Variants in DSCAM observed in about 807,000 individuals in gnomAD.
The protein encoded by DSCAM is DS cell adhesion molecule.
Under a neutral mutation model 217.7 loss-of-function variants are expected in DSCAM, and 47 were observed. The observed-to-expected ratio is 0.22, with a 90% CI of 0.17 to 0.28. The LOEUF is 0.28. DSCAM is among the 10% of genes least tolerant of loss of function. DSCAM has a pLI of 1.00. For missense variants in DSCAM, 2,080 were observed against 2,618.3 expected, an observed-to-expected ratio of 0.79 and a Z score of 4.49; for synonymous variants, 1,056 against 1,015.3, an observed-to-expected ratio of 1.04 and a Z score of -0.76.
intron 32 of DSCAM, among the ~76,000 whole-genome samples, chr21:40,035,731 C>T (rs1417689703): frequency 6.6e-6 from 1 of 150,828 alleles, no homozygotes; most frequent in African/African-American, 2.5e-5. Flanking sequence ...AGCACCACAC[C>T]ACACGTATTC....
chr21:40,111,161 G>A (rs1452706545), intron 20 of DSCAM, among the ~76,000 whole-genome samples: 1 of 152,220 alleles, frequency 6.6e-6, no homozygotes, highest in Admixed American at 6.5e-5. Flanking sequence ...AGGGCAGCCA[G>A]AGAGAAAGGT....
intron 3 of DSCAM, among the ~76,000 whole-genome samples, chr21:40,426,637 G>C (rs2075477518): frequency 6.6e-6 from 1 of 152,198 alleles, no homozygotes; most frequent in Non-Finnish European, 1.5e-5. Context: ...AGAGTACTAT[G>C]ACATGAGAGA....
chr21:40,342,169 A>C (rs1010767857), intron 6 of DSCAM, among the ~76,000 whole-genome samples: 2 of 152,246 alleles, frequency 1.3e-5, no homozygotes. Flanking sequence ...GTTGTGGAAT[A>C]CAACAATTGA....
chr21:40,296,990 C>A (rs1453632536), intron 9 of DSCAM, among the ~76,000 whole-genome samples: 2 of 152,124 alleles, frequency 1.3e-5, no homozygotes, highest in Non-Finnish European at 2.9e-5. Context: ...ACAGGCACCT[C>A]GTAAAGGCAA....
chr21:40,100,157 G>T (rs374008108), intron 20 of DSCAM, among the ~76,000 whole-genome samples: 1 of 152,160 alleles, frequency 6.6e-6, no homozygotes, highest in South Asian at 2.1e-4. Context: ...AGTATTTATT[G>T]TAAACAGAAT....
chr21:40,226,887 C>T (rs115836711), intron 11 of DSCAM, among the ~76,000 whole-genome samples: 3 of 152,094 alleles, frequency 2.0e-5, no homozygotes, highest in Admixed American at 6.5e-5. Flanking sequence ...TTTCCTGATT[C>T]TCTCCCTCCT....
chr21:40,127,061 C>A (rs1289442932), intron 19 of DSCAM, among the ~76,000 whole-genome samples: 1 of 152,202 alleles, frequency 6.6e-6, no homozygotes, highest in Non-Finnish European at 1.5e-5. Flanking sequence ...ATTAACTTCT[C>A]TAATAATCTT....
At chr21:40,205,338 C>T (rs995466684) in intron 11 of DSCAM, among the ~76,000 whole-genome samples, 4 of 152,198 alleles carry the variant, frequency 2.6e-5, no homozygotes, top group Admixed American at 2.6e-4. Flanking sequence ...TGCAGTGGCT[C>T]ATGCCTGTAA....
At chr21:40,042,778 G>A (rs2088777334) in intron 31 of DSCAM, 105 bp from the exon 32 acceptor site, 1 of 1,126,314 alleles carries the variant, frequency 8.9e-7, no homozygotes, top group South Asian at 1.6e-5. Flanking sequence ...AGATCATGGT[G>A]GGACCTGGTA....
chr21:40,076,976 C>G (rs2089374210), intron 26 of DSCAM, among the ~76,000 whole-genome samples: 1 of 152,246 alleles, frequency 6.6e-6, no homozygotes, highest in East Asian at 1.9e-4. Context: ...ATAATTCAAC[C>G]ATATTACAGG....
At chr21:40,534,861 T>C (rs1443277542) in intron 3 of DSCAM, among the ~76,000 whole-genome samples, 2 of 152,190 alleles carry the variant, frequency 1.3e-5, no homozygotes, top group African/African-American at 2.4e-5. Context: ...CATCAAATCA[T>C]GGGCGGTTGT....
At chr21:40,746,135 C>T (rs1429667355) in intron 1 of DSCAM, among the ~76,000 whole-genome samples, 3 of 150,380 alleles carry the variant, frequency 2.0e-5, no homozygotes, top group Non-Finnish European at 4.5e-5. Context: ...AGAGATGAAA[C>T]AAGGTAGAAA....
At chr21:40,828,817 A>G (rs1347591521) in intron 1 of DSCAM, among the ~76,000 whole-genome samples, 1 of 151,978 alleles carries the variant, frequency 6.6e-6, no homozygotes. Flanking sequence ...CACCACACCT[A>G]GCTAATTTTT....
At chr21:40,786,194 C>T (rs533484903) in intron 1 of DSCAM, among the ~76,000 whole-genome samples, 1 of 151,678 alleles carries the variant, frequency 6.6e-6, no homozygotes, top group East Asian at 1.9e-4. Flanking sequence ...TGAGATCGTG[C>T]CATTGTACTC....
At chr21:40,583,535 G>C (rs768171875) in intron 3 of DSCAM, among the ~76,000 whole-genome samples, 21 of 152,038 alleles carry the variant, frequency 1.4e-4, no homozygotes, top group Admixed American at 6.6e-4. Context: ...CAACTTTAAG[G>C]GACCTCAGAC....
chr21:40,218,868 C>G (rs2091266626), intron 11 of DSCAM, among the ~76,000 whole-genome samples: 1 of 152,164 alleles, frequency 6.6e-6, no homozygotes, highest in African/African-American at 2.4e-5. Context: ...AGTTGTTTAT[C>G]AGCTGAAGAA....
chr21:40,291,579 A>G (rs1442344692), intron 10 of DSCAM, among the ~76,000 whole-genome samples: 1 of 151,094 alleles, frequency 6.6e-6, no homozygotes, highest in Non-Finnish European at 1.5e-5. Flanking sequence ...CCAGGCATCA[A>G]CCTCCCGGCC....
intron 3 of DSCAM, among the ~76,000 whole-genome samples, chr21:40,460,757 G>A (rs2075799554): frequency 6.6e-6 from 1 of 152,126 alleles, no homozygotes; most frequent in African/African-American, 2.4e-5. Flanking sequence ...AACATGAAAT[G>A]TTATTCTCAA....
At chr21:40,044,686 G>T (rs1203938921) in intron 30 of DSCAM, among the ~76,000 whole-genome samples, 2 of 152,196 alleles carry the variant, frequency 1.3e-5, no homozygotes, top group Non-Finnish European at 2.9e-5. Context: ...CTGTGCTAGA[G>T]AATGACTTGA....
Sources: allele counts gnomAD v4.1 joint callset (sites outside exome capture counted in the v4.1 genomes callset), GRCh38; gene constraint gnomAD v4.1.1; transcripts MANE v1.5; gene names NCBI Gene and HGNC (gene_info 2026-07-23, HGNC 2026-07-21).